Variants in SEM1 observed in about 807,000 individuals in gnomAD.
The protein encoded by SEM1 is SEM1 26S proteasome subunit, also known as 26S proteasome complex subunit SEM1.
In SEM1, 3 loss-of-function variants were observed where a neutral mutation model predicts 12.7. The observed-to-expected ratio is 0.24, with a 90% CI of 0.11 to 0.61. The LOEUF is 0.61. Among genes scored for constraint, SEM1 ranks in the 20% least tolerant of loss-of-function variants. The pLI is 0.88. For synonymous variants in SEM1, 30 were observed against 27.8 expected (o/e 1.08, Z -0.25); for missense variants, 59 against 81.3 (o/e 0.73, Z 1.06).
chr7:96,650,810 A>G (rs1808954900), intron 2 of SEM1, among the ~76,000 whole-genome samples: 1 of 152,102 alleles, frequency 6.6e-6, no homozygotes, highest in South Asian at 2.1e-4. Flanking sequence ...TGACCTTTTC[A>G]TGTGTATCAG....
At chr7:96,549,638 C>T (rs1025346761) in intron 2 of SEM1, among the ~76,000 whole-genome samples, 1 of 152,168 alleles carries the variant, frequency 6.6e-6, no homozygotes, top group African/African-American at 2.4e-5. Flanking sequence ...CTTGGAGGTA[C>T]ACTGCTCTAG....
At chr7:96,687,914 G>C (rs1789810693), downstream of SEM1, 1 of 152,014 alleles carries the variant, frequency 6.6e-6, no homozygotes. Context: ...GTAGGTTTAT[G>C]CTTGTCTTAA....
At chr7:96,632,850 G>A (rs1808313804) in intron 2 of SEM1, among the ~76,000 whole-genome samples, 1 of 149,362 alleles carries the variant, frequency 6.7e-6, no homozygotes, top group Admixed American at 6.7e-5. Flanking sequence ...GGGACAATCG[G>A]TGGAGACTTC....
intron 1 of SEM1, among the ~76,000 whole-genome samples, chr7:96,701,301 G>A (rs930255526): frequency 4.6e-5 from 7 of 151,272 alleles, no homozygotes; most frequent in African/African-American, 1.5e-4. Context: ...GATGGTATTC[G>A]GGAGGTAATC....
At chr7:96,521,084 C>T (rs995207369) in intron 2 of SEM1, among the ~76,000 whole-genome samples, 2 of 152,032 alleles carry the variant, frequency 1.3e-5, no homozygotes, top group African/African-American at 2.4e-5. Context: ...AAATTTTAAA[C>T]TATTTTGAGT....
chr7:96,684,401 T>A (rs1282484470), downstream of SEM1, among the ~76,000 whole-genome samples: 2 of 151,776 alleles, frequency 1.3e-5, no homozygotes, highest in Non-Finnish European at 2.9e-5. Context: ...GAGCTGGGAA[T>A]GGTGTTGGCT....
Position 96,682,587 on chromosome 7 carries a change from C to G in SEM1, c.171-8728G>C, listed in dbSNP as rs757510343. On this transcript the variant is annotated intron_variant, in intron 2 of 2. Transcript: ENST00000413065. ...TAAAAACCCTAAAAGAAAACCTAGGCGATAACATTCAGGACACAGGCATGA... is the reference window on the plus strand; with the variant it reads ...TAAAAACCCTAAAAGAAAACCTAGGGGATAACATTCAGGACACAGGCATGA... Among the ~76,000 whole-genome samples, 4 of 151,870 alleles carry G rather than the reference C, an allele frequency of 2.6e-5. No individual in the cohort carries two copies. In the South Asian group the frequency reaches 6.2e-4, roughly 24 times the overall value.
chr7:96,540,391 C>T (rs1304311260), intron 2 of SEM1, among the ~76,000 whole-genome samples: 3 of 151,586 alleles, frequency 2.0e-5, no homozygotes, highest in Non-Finnish European at 4.4e-5. Flanking sequence ...AAATATTCAA[C>T]TCATCTCAGT....
chr7:96,619,272 T>G (rs529850032), downstream of SEM1, among the ~76,000 whole-genome samples: 54 of 152,276 alleles, frequency 3.5e-4, no homozygotes, highest in African/African-American at 1.3e-3. Flanking sequence ...TTTTCCTGAG[T>G]ATGTATGTAT....
At chr7:96,589,507 G>A (rs1211349081) in intron 2 of SEM1, among the ~76,000 whole-genome samples, 1 of 152,090 alleles carries the variant, frequency 6.6e-6, no homozygotes, top group Non-Finnish European at 1.5e-5. Flanking sequence ...GGCAGTCCCT[G>A]TGTGTAACTC....
intron 2 of SEM1, among the ~76,000 whole-genome samples, chr7:96,591,641 C>T (rs1806831667): frequency 6.6e-6 from 1 of 152,160 alleles, no homozygotes; most frequent in Non-Finnish European, 1.5e-5. Flanking sequence ...TGGGTCAACA[C>T]TTTGCTTACC....
chr7:96,537,704 A>G (rs1804829069), intron 2 of SEM1, among the ~76,000 whole-genome samples: 9 of 151,460 alleles, frequency 5.9e-5, no homozygotes. Context: ...GATTTGCTGC[A>G]GGTTGATTAT....
chr7:96,509,207 G>T (rs1803854715), intron 2 of SEM1, among the ~76,000 whole-genome samples: 1 of 145,452 alleles, frequency 6.9e-6, no homozygotes, highest in East Asian at 2.0e-4. Context: ...GGTTTCTCCA[G>T]GTTCACCAGG....
intron 2 of SEM1, among the ~76,000 whole-genome samples, chr7:96,564,960 TAAGC>T (rs916558879): frequency 6.6e-6 from 1 of 151,944 alleles, no homozygotes; most frequent in African/African-American, 2.4e-5. Context: ...TTAGAAAACA[TAAGC>T]AGAAGAAAAA....
In SEM1 at chr7:96,694,784, G is replaced by T; in HGVS notation, c.170+14C>A. 6.6e-7 allele frequency: 1 copy of T among 1,525,932 alleles called. No homozygotes were observed. The highest frequency in any genetic ancestry group is 9.1e-7 in the Non-Finnish European group (1 of 1,101,048). The allele number at this position is 1,525,932 out of a possible 1,614,324, so 94.5% of individuals were successfully genotyped here. A position where few individuals can be genotyped will look rare whatever the true frequency, so the allele number is the denominator to read the frequency against. ...TAATACTGAACTACAATAAAAATCT[G>T]GCTTAAAACTTACCGTAACTGATTA... On this transcript the variant is annotated intron_variant, in intron 2 of 2. Coordinates refer to ENST00000248566, the MANE Select transcript of SEM1 (RefSeq NM_006304.2).
At chr7:96,558,819 G>A (rs1805609147) in intron 2 of SEM1, among the ~76,000 whole-genome samples, 1 of 152,112 alleles carries the variant, frequency 6.6e-6, no homozygotes, top group African/African-American at 2.4e-5. Flanking sequence ...ATTTCATCAG[G>A]ATCCAATAAA....
chr7:96,659,354 C>G (rs1353827297), intron 2 of SEM1, among the ~76,000 whole-genome samples: 1 of 152,122 alleles, frequency 6.6e-6, no homozygotes, highest in Admixed American at 6.5e-5. Flanking sequence ...AAAGTGCTGA[C>G]AGAAAATCAC....
At chr7:96,557,763 G>C (rs567943839) in intron 2 of SEM1, among the ~76,000 whole-genome samples, 1 of 151,732 alleles carries the variant, frequency 6.6e-6, no homozygotes, top group East Asian at 2.0e-4. Context: ...ATCAAGCCTA[G>C]GCAATGGCGG....
chr7:96,635,730 A>T (rs1808408581), intron 2 of SEM1, among the ~76,000 whole-genome samples: 1 of 152,096 alleles, frequency 6.6e-6, no homozygotes. Context: ...AAGGAGGTGG[A>T]GATAGCTACT....
Sources: gnomAD v4.1 joint callset for allele counts (sites outside exome capture counted in the v4.1 genomes callset) on GRCh38, gnomAD v4.1.1 for gene constraint, MANE v1.5 for transcripts, NCBI Gene and HGNC (gene_info 2026-07-23, HGNC 2026-07-21) for gene names.